The following GSTM3 variants were observed in gnomAD, a reference collection of about 807,000 sequenced individuals.
GSTM3 encodes glutathione S-transferase mu 3, also known as GST class-mu 3.
A neutral mutation model predicts 36.1 loss-of-function variants in GSTM3; 34 were observed. The ratio of observed to expected loss-of-function variants is 0.94; its 90% CI spans 0.72 to 1.25. The LOEUF is 1.25. Ranked by LOEUF, GSTM3 falls within the 50% of genes most tolerant of loss-of-function variation. The probability of loss-of-function intolerance (pLI) is 0.00; values close to 1 mark genes in which losing one functional copy is unlikely to be tolerated. For missense variants in GSTM3, 266 were observed against 281.6 expected (o/e 0.94, Z 0.40); for synonymous variants, 102 against 99.5 (o/e 1.03, Z -0.15).
At chr1:109,739,593 C>T (rs993218121) in intron 3 of GSTM3, 100 bp from the exon 4 acceptor site, 21 of 886,354 alleles carry the variant, frequency 2.4e-5, no homozygotes, top group Middle Eastern at 5.0e-4. Context: ...ACCTCAAATT[C>T]CCAGGCCCCA....
intron 1 of GSTM3, among the ~76,000 whole-genome samples, 160 bp from the exon 2 acceptor site, chr1:109,740,671 T>A (rs1649357811): frequency 6.6e-6 from 1 of 152,228 alleles, no homozygotes; most frequent in Non-Finnish European, 1.5e-5. Flanking sequence ...GCGCCGTTTT[T>A]ACCGAGCCAG....
intron 3 of GSTM3, 46 bp downstream of exon 3, chr1:109,739,787 A>G: frequency 1.4e-6 from 2 of 1,388,274 alleles, no homozygotes; most frequent in Non-Finnish European, 2.0e-6. Flanking sequence ...AGACCAGGGC[A>G]GGTGGAGGGC....
Position 109,737,108 on chromosome 1 carries a change from T to C in GSTM3, c.641A>G (p.Asn214Ser), listed in dbSNP as rs1206052920. The change falls in exon 9 of 9, where the codon AAC (asparagine) becomes AGC (serine). Residue 214 changes from asparagine (N) to serine (S), a missense_variant. Transcript: ENST00000361066. ...CTTGTTGCCCCACTGGGCCATCTTG[T>C]TGTTGATGGGCATCTTGCAGAACTG... ...SDQFCKMPIN[N>S]KMAQWGNKPV... The C allele has an allele frequency of 3.1e-6, 5 of 1,613,700 alleles. No individual in the cohort carries two copies. Among genetic ancestry groups the C allele is most frequent in the South Asian group, 1.1e-5 (1 of 91,062 alleles).
In GSTM3 at chr1:109,735,327, T is replaced by C. The variant is rs1109138; in HGVS notation, c.*1744A>G. On this transcript the variant is annotated 3_prime_UTR_variant, in exon 9 of 9. Transcript: ENST00000361066. Reference sequence around the variant, plus strand: ...GGTAGCTGGGACTATGCATGAGCAATTGCGCACAGCTAATTAAAAAAAATT... The same window carrying C: ...GGTAGCTGGGACTATGCATGAGCAACTGCGCACAGCTAATTAAAAAAAATT... 0.68 allele frequency: 103,407 copies of C among 151,994 alleles called. 36,416 individuals carry two copies. Among genetic ancestry groups the C allele is most frequent in the African/African-American group, 0.86 (35,880 of 41,490 alleles). The allele number at this position is 151,994 out of a possible 1,614,324, so 9.4% of individuals were successfully genotyped here.
Position 109,736,232 on chromosome 1 carries a change from G to A in GSTM3, c.*839C>T, listed in dbSNP as rs1370287500. 2.0e-5 allele frequency: 3 copies of A among 152,054 alleles called. No homozygotes were observed. Among genetic ancestry groups the A allele is most frequent in the Non-Finnish European group, 4.4e-5 (3 of 68,014 alleles). 9.4% of individuals were successfully genotyped at this position (152,054 alleles called of 1,614,324 possible). A position where few individuals can be genotyped will look rare whatever the true frequency, so the allele number is the denominator to read the frequency against. On this transcript the variant is annotated 3_prime_UTR_variant, in exon 9 of 9. Coordinates refer to ENST00000361066, the MANE Select transcript of GSTM3 (RefSeq NM_000849.5). ...GATTTTGTCCATTTTTAAAAACTCA[G>A]TTGTCTTAATGATTTATAGGTCTTT... is the stretch of plus-strand genomic sequence containing the variant.
In GSTM3 at chr1:109,737,007, G is replaced by T; in HGVS notation, c.*64C>A. On this transcript the variant is annotated 3_prime_UTR_variant, in exon 9 of 9. Coordinates refer to ENST00000361066, the MANE Select transcript of GSTM3 (RefSeq NM_000849.5). Reference sequence around the variant, plus strand: ...AGTGCTATTCATTGAAAAGAGCAAAGCAAGAGCGCTGACCCCTTACGGACA... The same window carrying T: ...AGTGCTATTCATTGAAAAGAGCAAATCAAGAGCGCTGACCCCTTACGGACA... The T allele has an allele frequency of 1.0e-6, 1 of 983,556 alleles. No homozygotes were observed. Among genetic ancestry groups the T allele is most frequent in the Non-Finnish European group, 1.6e-6 (1 of 615,960 alleles). 60.9% of individuals were successfully genotyped at this position (983,556 alleles called of 1,614,324 possible).
chr1:109,739,930 C>A, intron 2 of GSTM3, 22 bp from the exon 3 acceptor site: 1 of 1,532,432 alleles, frequency 6.5e-7, no homozygotes, highest in Non-Finnish European at 8.9e-7. Context: ...AGCGGTTCAG[C>A]GACTGCGCAG....
rs1557980815 is a variant in GSTM3 at position 109,740,390 on chromosome 1, CGCCTCCGCCCCGTTCTCCGTCCCTT to C, written c.-128_-104del. The C allele has an allele frequency of 1.0e-6, 1 of 961,418 alleles. No individual in the cohort carries two copies. Among genetic ancestry groups the C allele is most frequent in the Non-Finnish European group, 1.6e-6 (1 of 628,354 alleles). The allele number at this position is 961,418 out of a possible 1,614,324, so 59.6% of individuals were successfully genotyped here. ...GGCCCACGCGCGGGCGCCCTGACTC[CGCCTCCGCCCCGTTCTCCGTCCCTT>C]GCCTCCGCGGCTCCACAGGGCCGTG... On this transcript the variant is annotated 5_prime_UTR_variant, in exon 2 of 9. Transcript: ENST00000361066.
intron 6 of GSTM3, 62 bp from the exon 7 acceptor site, chr1:109,737,813 G>A: frequency 3.0e-6 from 3 of 996,030 alleles, no homozygotes; most frequent in Non-Finnish European, 4.6e-6. Flanking sequence ...CAGGGCACAG[G>A]CCAGTGATGG....
Position 109,735,968 on chromosome 1 carries a change from G to T in GSTM3, c.*1103C>A, listed in dbSNP as rs1649189505. ...GGATGAGTTTTTATAGCATGGAATT[G>T]CTGGGTCATAGGATATGATTTAAAT... is the stretch of plus-strand genomic sequence containing the variant. On this transcript the variant is annotated 3_prime_UTR_variant, in exon 9 of 9. Transcript: ENST00000361066. 6.6e-6 allele frequency: 1 copy of T among 152,154 alleles called. No homozygotes were observed. Among genetic ancestry groups the T allele is most frequent in the South Asian group, 2.1e-4 (1 of 4,814 alleles). The allele number at this position is 152,154 out of a possible 1,614,324, so 9.4% of individuals were successfully genotyped here.
rs1557979723 is a variant in GSTM3 at position 109,738,204 on chromosome 1, T to C, written c.272-13A>G. 1.2e-6 allele frequency: 2 copies of C among 1,605,592 alleles called. No homozygotes were observed. The highest frequency in any genetic ancestry group is 8.5e-7 in the Non-Finnish European group (1 of 1,172,164). Reference sequence around the variant, plus strand: ...TCAGTCTCACCACCTGTAGGCCAAATGACAACAAATCACCCTTGGCATCAT... The same window carrying C: ...TCAGTCTCACCACCTGTAGGCCAAACGACAACAAATCACCCTTGGCATCAT... On this transcript the variant is annotated splice_polypyrimidine_tract_variant and intron_variant, in intron 5 of 8. Transcript: ENST00000361066.
At position 109,739,844 on chromosome 1, in the gene GSTM3, G is replaced by C. The variant is rs1649314602; in HGVS notation, c.113C>G (p.Thr38Arg). Reference sequence around the variant, plus strand: ...CGGAGCGGCATTACCTTCCCCGCACGTGTACCGTTTCTCCTCATAAGAGGT... The same window carrying C: ...CGGAGCGGCATTACCTTCCCCGCACCTGTACCGTTTCTCCTCATAAGAGGT... The part of the protein sequence containing the change: ...TDTSYEEKRY[T>R]CGEAPDYDRS... Residue 38 changes from threonine (T) to arginine (R), a missense_variant, in exon 3 of 9, where the codon ACG becomes AGG. Physicochemically the swap from Thr to Arg is moderately conservative, Grantham distance 71 (BLOSUM62 -1). Coordinates refer to ENST00000361066, the MANE Select transcript of GSTM3 (RefSeq NM_000849.5). 1.9e-6 allele frequency: 3 copies of C among 1,551,374 alleles called. No homozygotes were observed. The highest frequency in any genetic ancestry group is 1.7e-6 in the Non-Finnish European group (2 of 1,146,202).
rs1013390432 is a variant in GSTM3 at position 109,734,624 on chromosome 1, A to G, written c.*2447T>C. On this transcript the variant is annotated 3_prime_UTR_variant, in exon 9 of 9. Transcript: ENST00000361066. The stretch of plus-strand genomic sequence containing the variant: ...ACCGCTCCCTCACACTATGGAAATT[A>G]TATCAATAGTTATCAGACTGAAAAA... The G allele has an allele frequency of 1.3e-5, 2 of 152,260 alleles. No homozygotes were observed. Among genetic ancestry groups the G allele is most frequent in the African/African-American group, 2.4e-5 (1 of 41,480 alleles). The allele number at this position is 152,260 out of a possible 1,614,324, so 9.4% of individuals were successfully genotyped here. A position where few individuals can be genotyped will look rare whatever the true frequency, so the allele number is the denominator to read the frequency against.
rs1649271283 is a variant in GSTM3, at chr1:109,738,359, T to C, written c.197A>G (p.Tyr66Cys). 1 of 1,612,242 alleles carries C rather than the reference T, an allele frequency of 6.2e-7. No homozygotes were observed. The highest frequency in any genetic ancestry group is 8.5e-7 in the Non-Finnish European group (1 of 1,178,386). Residue 66 changes from tyrosine to cysteine, a missense_variant, in exon 5 of 9, where the codon TAC (tyrosine) becomes TGC (cysteine). By Grantham distance (194) the Tyr-to-Cys change is radical. Coordinates refer to ENST00000361066, the MANE Select transcript of GSTM3 (RefSeq NM_000849.5). ...GATCTTGTTCTTCCCATCCAGGAGG[T>C]AGGGCAGCTGAAAGGAAAAGGACAG... ...KLDLDFPNLPYLLDGKNKITQ... is the reference protein window; with the variant it reads ...KLDLDFPNLPCLLDGKNKITQ...
Position 109,740,450 on chromosome 1 carries a change from G to C in GSTM3, c.-163C>G. The C allele has an allele frequency of 1.6e-6, 1 of 635,084 alleles. No individual in the cohort carries two copies. Among genetic ancestry groups the C allele is most frequent in the East Asian group, 2.8e-5 (1 of 35,304 alleles). The allele number at this position is 635,084 out of a possible 1,614,324, so 39.3% of individuals were successfully genotyped here. Reference sequence around the variant, plus strand: ...GCTCCACAGGGCCGTGCGCAGGCGCGACTAATGCCGGCGTTGGGGTTCAGG... The same window carrying C: ...GCTCCACAGGGCCGTGCGCAGGCGCCACTAATGCCGGCGTTGGGGTTCAGG... On this transcript the variant is annotated 5_prime_UTR_variant, in exon 2 of 9. Coordinates refer to ENST00000361066, the MANE Select transcript of GSTM3 (RefSeq NM_000849.5).
In GSTM3 at chr1:109,736,946, T is replaced by C; in HGVS notation, c.*125A>G. 1 of 637,720 alleles carries C rather than the reference T, an allele frequency of 1.6e-6. No individual in the cohort carries two copies. The highest frequency in any genetic ancestry group is 2.8e-6 in the Non-Finnish European group (1 of 351,606). 39.5% of individuals were successfully genotyped at this position (637,720 alleles called of 1,614,324 possible). A position where few individuals can be genotyped will look rare whatever the true frequency, so the allele number is the denominator to read the frequency against. On this transcript the variant is annotated 3_prime_UTR_variant, in exon 9 of 9. Coordinates refer to ENST00000361066, the MANE Select transcript of GSTM3 (RefSeq NM_000849.5). ...TATCCTTTTTCCCTTTTAGCCTTTA[T>C]ACCCAAGAGAAACTCAGCTGGACAC...
At position 109,736,744 on chromosome 1, in the gene GSTM3, C is replaced by A; in HGVS notation, c.*327G>T. 4.0e-6 allele frequency: 1 copy of A among 247,152 alleles called. No individual in the cohort carries two copies. The highest frequency in any genetic ancestry group is 6.4e-5 in the South Asian group (1 of 15,566). The allele number at this position is 247,152 out of a possible 1,614,324, so 15.3% of individuals were successfully genotyped here. On this transcript the variant is annotated 3_prime_UTR_variant, in exon 9 of 9. Coordinates refer to ENST00000361066, the MANE Select transcript of GSTM3 (RefSeq NM_000849.5). ...TTTACTTGTGTTATCCTCACCCAGT[C>A]TTCACAGGGACTCCAGTCCCATTTA...
rs1649153414 is a variant in GSTM3 at position 109,734,666 on chromosome 1, C to T, written c.*2405G>A. The stretch of plus-strand genomic sequence containing the variant: ...ACTGAAAAACTTCTGAGCTTTATAC[C>T]TCTTCTGGCCAAAGGCTCCCCCATG... On this transcript the variant is annotated 3_prime_UTR_variant, in exon 9 of 9. Coordinates refer to ENST00000361066, the MANE Select transcript of GSTM3 (RefSeq NM_000849.5). 6.6e-6 allele frequency: 1 copy of T among 152,192 alleles called. No individual in the cohort carries two copies. Among genetic ancestry groups the T allele is most frequent in the African/African-American group, 2.4e-5 (1 of 41,426 alleles). The allele number at this position is 152,192 out of a possible 1,614,324, so 9.4% of individuals were successfully genotyped here.
At position 109,739,484 on chromosome 1, in the gene GSTM3, T is replaced by C. The variant is rs202087892; in HGVS notation, c.134A>G (p.Tyr45Cys). ...CACATCCAGCCATTGGCTTCGATCA[T>C]AGTCAGGAGCTGTAAGAGACGGAAT... ...KRYTCGEAPD[Y>C]DRSQWLDVKF... Residue 45 changes from tyrosine to cysteine, a missense_variant, in exon 4 of 9, where the codon TAT (tyrosine) becomes TGT (cysteine). Tyr to Cys is a radical substitution (Grantham distance 194). Coordinates refer to ENST00000361066, the MANE Select transcript of GSTM3 (RefSeq NM_000849.5). 2.5e-6 allele frequency: 4 copies of C among 1,612,422 alleles called. No individual in the cohort carries two copies. Among genetic ancestry groups the C allele is most frequent in the African/African-American group, 2.7e-5 (2 of 75,030 alleles).
Sources: gnomAD v4.1 joint callset for allele counts (sites outside exome capture counted in the v4.1 genomes callset) on GRCh38, gnomAD v4.1.1 for gene constraint, MANE v1.5 for transcripts, NCBI Gene and HGNC (gene_info 2026-07-23, HGNC 2026-07-21) for gene names.